The following CIMIP5 variants were observed in gnomAD, a reference collection of about 807,000 sequenced individuals.
CIMIP5 encodes ciliary microtubule inner protein 5.
the CIMIP5 span, among the ~76,000 whole-genome samples, chr2:11,149,971 C>T: frequency 6.6e-6 from 1 of 152,138 alleles, no homozygotes; most frequent in African/African-American, 2.4e-5. Context: ...TTTGAGACGG[C>T]GTCTCACCCC....
the CIMIP5 span, chr2:11,140,399 T>G: frequency 3.5e-6 from 2 of 576,000 alleles, no homozygotes; most frequent in East Asian, 3.4e-5. Flanking sequence ...AAAAAAAAAA[T>G]TATTTAGTTC....
At chr2:11,133,673 G>A in the CIMIP5 span, 3 of 1,513,602 alleles carry the variant, frequency 2.0e-6, no homozygotes, top group Non-Finnish European at 2.6e-6. Context: ...AGGGAGATGG[G>A]AGGGCAAATG....
the CIMIP5 span, among the ~76,000 whole-genome samples, chr2:11,153,233 A>T: frequency 6.6e-6 from 1 of 152,202 alleles, no homozygotes; most frequent in South Asian, 2.1e-4. Context: ...TGCCTCACCC[A>T]GCTGACCCCC....
At chr2:11,152,771 A>G in the CIMIP5 span, among the ~76,000 whole-genome samples, 1 of 152,006 alleles carries the variant, frequency 6.6e-6, no homozygotes, top group Non-Finnish European at 1.5e-5. Context: ...TTTTGAGGCC[A>G]TCCTCCAAGC....
the CIMIP5 span, among the ~76,000 whole-genome samples, chr2:11,153,369 A>ATC: frequency 6.6e-6 from 1 of 152,138 alleles, no homozygotes; most frequent in Non-Finnish European, 1.5e-5. Flanking sequence ...CTGCATCCCC[A>ATC]AGTGCTAGCG....
the CIMIP5 span, chr2:11,140,539 A>G: frequency 1.2e-5 from 19 of 1,575,258 alleles, no homozygotes; most frequent in Non-Finnish European, 1.7e-5. Flanking sequence ...CTGAAAGACT[A>G]TGACCCAATG....
chr2:11,141,171 C>G, the CIMIP5 span, among the ~76,000 whole-genome samples: 4 of 137,004 alleles, frequency 2.9e-5, no homozygotes, highest in Non-Finnish European at 1.5e-5. Context: ...CTCTGTCGCC[C>G]AGGCTGGAGT....
the CIMIP5 span, among the ~76,000 whole-genome samples, chr2:11,152,540 G>C: frequency 2.6e-5 from 4 of 152,152 alleles, no homozygotes; most frequent in Admixed American, 2.6e-4. Flanking sequence ...TTCAGTCAGG[G>C]AGCTGATTCA....
At chr2:11,140,438 T>C in the CIMIP5 span, 1 of 1,122,020 alleles carries the variant, frequency 8.9e-7, no homozygotes, top group Admixed American at 2.1e-5. Context: ...TGCATTGACT[T>C]GACACAGTGA....
chr2:11,134,109 C>T, the CIMIP5 span, among the ~76,000 whole-genome samples: 2 of 151,978 alleles, frequency 1.3e-5, no homozygotes, highest in Non-Finnish European at 2.9e-5. Flanking sequence ...GAAGTGTGAC[C>T]AGCGGTAAGA....
At chr2:11,136,622 G>T in the CIMIP5 span, among the ~76,000 whole-genome samples, 2 of 152,242 alleles carry the variant, frequency 1.3e-5, no homozygotes, top group East Asian at 1.9e-4. Context: ...GGAGGATGAG[G>T]ACTGACTGCA....
the CIMIP5 span, among the ~76,000 whole-genome samples, chr2:11,142,338 G>T: frequency 3.3e-5 from 5 of 152,090 alleles, no homozygotes; most frequent in African/African-American, 7.2e-5. Context: ...AGTCACTCGA[G>T]GGGGTGGCCA....
At chr2:11,148,855 C>T in the CIMIP5 span, among the ~76,000 whole-genome samples, 68 of 150,886 alleles carry the variant, frequency 4.5e-4, no homozygotes, top group Non-Finnish European at 8.4e-4. Context: ...CTGCCTCGGC[C>T]TCCAAGTAGC....
At chr2:11,142,863 T>G in the CIMIP5 span, among the ~76,000 whole-genome samples, 2,320 of 151,878 alleles carry the variant, frequency 0.015, 58 homozygotes, top group African/African-American at 0.054. Context: ...GGGGCTTACA[T>G]GCACGTGCCC....
the CIMIP5 span, among the ~76,000 whole-genome samples, chr2:11,141,563 C>T: frequency 0.26 from 39,273 of 152,098 alleles, 5,289 homozygotes; most frequent in East Asian, 0.43. Flanking sequence ...GGGAATCTCA[C>T]CTTCCTGGGC....
chr2:11,133,847 G>A, the CIMIP5 span, among the ~76,000 whole-genome samples: 1 of 152,166 alleles, frequency 6.6e-6, no homozygotes, highest in Admixed American at 6.5e-5. Flanking sequence ...CGACTGCGAC[G>A]CGGCCGGTAA....
chr2:11,135,217 A>G, the CIMIP5 span, among the ~76,000 whole-genome samples: 1 of 152,166 alleles, frequency 6.6e-6, no homozygotes, highest in African/African-American at 2.4e-5. Context: ...TTCAAACCAT[A>G]TCGGAGGGAT....
At chr2:11,152,841 C>G in the CIMIP5 span, among the ~76,000 whole-genome samples, 1 of 151,812 alleles carries the variant, frequency 6.6e-6, no homozygotes, top group Non-Finnish European at 1.5e-5. Flanking sequence ...ACCCAAACGC[C>G]TTCCTGCATG....
At chr2:11,135,168 G>A in the CIMIP5 span, among the ~76,000 whole-genome samples, 1 of 152,178 alleles carries the variant, frequency 6.6e-6, no homozygotes, top group Non-Finnish European at 1.5e-5. Context: ...TTCAACACTA[G>A]GGATCACATT....
Sources: allele counts gnomAD v4.1 joint callset (sites outside exome capture counted in the v4.1 genomes callset), GRCh38; gene constraint gnomAD v4.1.1; transcripts MANE v1.5; gene names NCBI Gene and HGNC (gene_info 2026-07-23, HGNC 2026-07-21).